The following FMNL2 variants were observed in gnomAD, a reference collection of about 807,000 sequenced individuals.
FMNL2 encodes formin-like protein 2.
Under a neutral mutation model 130.2 loss-of-function variants are expected in FMNL2, and 51 were observed. The ratio of observed to expected loss-of-function variants is 0.39; its 90% CI spans 0.31 to 0.49. FMNL2 has a LOEUF of 0.49. Ranked by LOEUF, FMNL2 falls within the 20% of genes least tolerant of loss-of-function variation. The pLI is 0.85. For missense variants in FMNL2, 977 were observed against 1,316.2 expected (o/e 0.74, Z 3.99); for synonymous variants, 465 against 467.1 (o/e 1.00, Z 0.06).
intron 1 of FMNL2, among the ~76,000 whole-genome samples, chr2:152,376,143 C>A (rs1020288441): frequency 2.6e-5 from 4 of 152,018 alleles, no homozygotes; most frequent in Non-Finnish European, 4.4e-5. Context: ...ATCCAACCCC[C>A]CTTGACCTCC....
chr2:152,488,333 C>G (rs1378478412), intron 1 of FMNL2, among the ~76,000 whole-genome samples: 1 of 152,146 alleles, frequency 6.6e-6, no homozygotes, highest in Non-Finnish European at 1.5e-5. Context: ...TTGGTGAAAC[C>G]CTTAGTGCAA....
chr2:152,411,529 C>G (rs1404942430), intron 1 of FMNL2, among the ~76,000 whole-genome samples: 1 of 152,192 alleles, frequency 6.6e-6, no homozygotes, highest in South Asian at 2.1e-4. Flanking sequence ...CTCCTCCCAT[C>G]TCCTTCCTAA....
chr2:152,642,643 G>C (rs961551458), intron 25 of FMNL2, among the ~76,000 whole-genome samples: 3 of 152,184 alleles, frequency 2.0e-5, no homozygotes, highest in African/African-American at 7.2e-5. Flanking sequence ...TCCTAGGTAA[G>C]CACTTTTTGG....
At chr2:152,587,341 C>T (rs987817888) in intron 9 of FMNL2, among the ~76,000 whole-genome samples, 6 of 152,200 alleles carry the variant, frequency 3.9e-5, no homozygotes, top group African/African-American at 1.2e-4. Context: ...CTGTGCAGAA[C>T]ATGTGGGGTG....
At position 152,543,725 on chromosome 2, in the gene FMNL2, C is replaced by T. The variant is rs10166430; in HGVS notation, c.282+906C>T. ...CTTCCTCCCCTCACCGCCCACCCCCCGACCAAAAAAAAAAAAAAAAAAAAG... is the reference window on the plus strand; with the variant it reads ...CTTCCTCCCCTCACCGCCCACCCCCTGACCAAAAAAAAAAAAAAAAAAAAG... On this transcript the variant is annotated intron_variant, in intron 3 of 25. Coordinates refer to ENST00000288670, the MANE Select transcript of FMNL2 (RefSeq NM_052905.4). Among the ~76,000 whole-genome samples, 10 of 86,594 alleles carry T rather than the reference C, an allele frequency of 1.2e-4. No homozygotes were observed. In the East Asian group the frequency reaches 2.8e-3, roughly 24 times the overall value. 56.8% of individuals were successfully genotyped at this position (86,594 alleles called of 152,430 possible).
rs762305331 is a variant in FMNL2, at chr2:152,628,495, A to C, written c.2362A>C (p.Ile788Leu). 6.2e-7 allele frequency: 1 copy of C among 1,613,944 alleles called. No individual in the cohort carries two copies. The highest frequency in any genetic ancestry group is 8.5e-7 in the Non-Finnish European group (1 of 1,179,902). ...GCAGAAGATGACCATCATGGCCTTC[A>C]TTGGGAACTTTGCTGAAAGCATTCA... The part of the protein sequence containing the change: ...LMQKMTIMAF[I>L]GNFAESIQML... Residue 788 changes from isoleucine (I) to leucine (L), a missense_variant, in exon 18 of 26, where the codon ATT (isoleucine) becomes CTT (leucine). Transcript: ENST00000288670.
In FMNL2 at chr2:152,628,287, A is replaced by T. The variant is rs1372247859; in HGVS notation, c.2166-12A>T. On this transcript the variant is annotated splice_polypyrimidine_tract_variant and intron_variant, in intron 17 of 25. Transcript: ENST00000288670. ...TTCTCTCTAATGCTAATCTCTCCAC[A>T]TCTGTCTTTAGATTTGACTTGAAGA... is the stretch of plus-strand genomic sequence containing the variant. 2 of 1,611,722 alleles carry T rather than the reference A, an allele frequency of 1.2e-6. No individual in the cohort carries two copies. Among genetic ancestry groups the T allele is most frequent in the African/African-American group, 2.7e-5 (2 of 74,876 alleles).
intron 1 of FMNL2, among the ~76,000 whole-genome samples, chr2:152,412,443 A>ATTT (rs1268798867): frequency 4.0e-4 from 37 of 92,054 alleles, no homozygotes; most frequent in South Asian, 1.5e-3. Context: ...TCTTCTGTAT[A>ATTT]TTTTATATAT....
At chr2:152,609,434 A>G (rs1309972535) in intron 10 of FMNL2, among the ~76,000 whole-genome samples, 1 of 152,226 alleles carries the variant, frequency 6.6e-6, no homozygotes, top group African/African-American at 2.4e-5. Flanking sequence ...CCTCTGAAAC[A>G]ACATATTCCT....
At chr2:152,473,903 C>A (rs1257830388) in intron 1 of FMNL2, among the ~76,000 whole-genome samples, 3 of 152,142 alleles carry the variant, frequency 2.0e-5, no homozygotes, top group Non-Finnish European at 2.9e-5. Flanking sequence ...TACTTAGAGT[C>A]TCGCTCTGTC....
At position 152,521,981 on chromosome 2, in the gene FMNL2, G is replaced by T; in HGVS notation, c.156G>T (p.Leu52=). Residue 52 remains leucine (L), a synonymous_variant, in exon 2 of 26, where the codon CTG becomes CTT. Transcript: ENST00000288670. The part of the protein sequence containing the change: ...MNLPPDKARL[L]RQYDNEKKWE... The stretch of plus-strand genomic sequence containing the variant: ...TACCTCCTGACAAAGCCAGGTTACT[G>T]CGGCAGTATGATAATGAGAAAAAAT... 6.2e-7 allele frequency: 1 copy of T among 1,612,436 alleles called. No individual in the cohort carries two copies. Among genetic ancestry groups the T allele is most frequent in the Non-Finnish European group, 8.5e-7 (1 of 1,179,460 alleles).
chr2:152,593,880 TGTGTGTGTGTGTGTGTGTGTGTGAGA>T (rs1329153173), intron 9 of FMNL2, among the ~76,000 whole-genome samples: 1 of 101,888 alleles, frequency 9.8e-6, no homozygotes, highest in Non-Finnish European at 2.1e-5. Flanking sequence ...TGTGTGTGTG[TGTGTGTGTGTGTGTGTGTGTGTGAGA>T]GAGAGAGAGA....
intron 5 of FMNL2, among the ~76,000 whole-genome samples, chr2:152,559,395 C>T (rs1260511242): frequency 6.6e-6 from 1 of 152,066 alleles, no homozygotes; most frequent in Non-Finnish European, 1.5e-5. Flanking sequence ...TCACTGCAAC[C>T]TCTGATCAAG....
chr2:152,603,004 A>C (rs1476855019), intron 9 of FMNL2, among the ~76,000 whole-genome samples: 1 of 152,188 alleles, frequency 6.6e-6, no homozygotes, highest in East Asian at 1.9e-4. Context: ...AACTTTTACC[A>C]ACCTTCCCCA....
chr2:152,435,856 T>C (rs1346312944), intron 1 of FMNL2, among the ~76,000 whole-genome samples: 1 of 152,204 alleles, frequency 6.6e-6, no homozygotes, highest in Admixed American at 6.5e-5. Flanking sequence ...GGATCTTGAC[T>C]GTCCCTTTCT....
rs749726414 is a variant in FMNL2 at position 152,479,718 on chromosome 2, G to GTTTTTTT, written c.118-42208_118-42202dup. On this transcript the variant is annotated intron_variant, in intron 1 of 25. Transcript: ENST00000288670. ...GATGGATTCATGGATGTTGTGGGTT[G>GTTTTTTT]TTTTTTTTTTTTTTTTTTTTTTTAC... is the stretch of plus-strand genomic sequence containing the variant. 1.3e-4 allele frequency among the ~76,000 whole-genome samples: 13 copies of GTTTTTTT among 96,722 alleles called. 2 individuals carry two copies. Among genetic ancestry groups the GTTTTTTT allele is most frequent in the Middle Eastern group, 5.7e-3 (1 of 174 alleles). The allele number at this position is 96,722 out of a possible 152,430, so 63.5% of individuals were successfully genotyped here.
At position 152,357,236 on chromosome 2, in the gene FMNL2, ATATTAAAT is replaced by A. The variant is rs1393483320; in HGVS notation, c.117+21517_117+21524del. Among the ~76,000 whole-genome samples the A allele has an allele frequency of 5.7e-5, 2 of 35,120 alleles. 1 individual carries two copies. The allele number at this position is 35,120 out of a possible 152,430, so 23.0% of individuals were successfully genotyped here. A position where few individuals can be genotyped will look rare whatever the true frequency, so the allele number is the denominator to read the frequency against. On this transcript the variant is annotated intron_variant, in intron 1 of 25. Transcript: ENST00000288670. ...AAATCAGTTTAATGTATCACGATAA[ATATTAAAT>A]CAGTTTAATGTATCACGATAAATAT...
intron 10 of FMNL2, among the ~76,000 whole-genome samples, chr2:152,609,639 TA>T (rs1386378007): frequency 1.3e-5 from 2 of 152,236 alleles, no homozygotes; most frequent in Admixed American, 6.5e-5. Context: ...AGATGATTTT[TA>T]TTTTTTTATT....
At chr2:152,599,405 C>CT (rs35753197) in intron 9 of FMNL2, among the ~76,000 whole-genome samples, 3,302 of 44,912 alleles carry the variant, frequency 0.074, 850 homozygotes, top group African/African-American at 0.086. Context: ...TGAAGGTCAT[C>CT]TTTTTTTTTT....
Sources: allele counts gnomAD v4.1 joint callset (sites outside exome capture counted in the v4.1 genomes callset), GRCh38; gene constraint gnomAD v4.1.1; transcripts MANE v1.5; gene names NCBI Gene and HGNC (gene_info 2026-07-23, HGNC 2026-07-21).